OTOF: variants seen among roughly 807,000 people sequenced by gnomAD.
OTOF encodes fer-1-like family member 2.
In OTOF, 218 loss-of-function variants were observed where a neutral mutation model predicts 236.8. The ratio of observed to expected loss-of-function variants is 0.92; its 90% confidence interval spans 0.82 to 1.03. OTOF has a LOEUF of 1.03. Among genes scored for constraint, OTOF ranks in the 50% least tolerant of loss-of-function variants. The probability of loss-of-function intolerance (pLI) is 0.00; values close to 1 mark genes in which losing one functional copy is unlikely to be tolerated. For synonymous variants in OTOF, 1,041 were observed against 1,072.5 expected (o/e 0.97, Z 0.57); for missense variants, 2,590 against 2,694.4 (o/e 0.96, Z 0.86).
intron 9 of OTOF, among the ~76,000 whole-genome samples, chr2:26,490,424 C>G (rs1170272976): frequency 6.6e-6 from 1 of 152,156 alleles, no homozygotes; most frequent in Non-Finnish European, 1.5e-5. Flanking sequence ...GTGCACTGTC[C>G]TTTGGTGCTG....
At chr2:26,502,265 G>C (rs1348655870) in intron 7 of OTOF, 35 bp downstream of exon 7, 1 of 1,612,780 alleles carries the variant, frequency 6.2e-7, no homozygotes, top group South Asian at 1.1e-5. Flanking sequence ...GACAGGGTGG[G>C]GGCAGCTGGG....
chr2:26,512,996 G>A lies in OTOF; in HGVS notation c.509+3422C>T, dbSNP rs561329473. Among the ~76,000 whole-genome samples the A allele has an allele frequency of 1.4e-4, 22 of 152,254 alleles. No homozygotes were observed. The South Asian group carries it at 3.5e-3, about 24-fold the overall frequency. On this transcript the variant is annotated intron_variant, in intron 5 of 46. Transcript: ENST00000272371. ...CAGCACAGCTTCCTGGCACATTACC[G>A]GGGGCATTGTGCAAAAAGCCGGCAG... is the stretch of plus-strand genomic sequence containing the variant.
chr2:26,528,272 G>A (rs1419148375), intron 2 of OTOF, among the ~76,000 whole-genome samples: 1 of 152,210 alleles, frequency 6.6e-6, no homozygotes, highest in Non-Finnish European at 1.5e-5. Context: ...GGGAGAGGGT[G>A]GTGCAACCAG....
At position 26,461,028 on chromosome 2, in the gene OTOF, C is replaced by G; in HGVS notation, c.5536G>C (p.Ala1846Pro). The change falls in exon 44 of 47, where the codon GCC becomes CCC. Residue 1846 changes from alanine (A) to proline (P), a missense_variant and splice_region_variant. Physicochemically the swap from Ala to Pro is conservative, Grantham distance 27. Coordinates refer to ENST00000272371, the MANE Select transcript of OTOF (RefSeq NM_194248.3). This position sits in a 1 kb window ranked among gnomAD's most constrained non-coding sequence, Gnocchi z 6.2. ...DHFSADDFLG[A>P]IELDLNRFPR... ...AACCGGTTCAGGTCCAGCTCGATGG[C>G]CCCTGTGGCAACCTCAGTGTCAGCT... is the stretch of plus-strand genomic sequence containing the variant. 6.2e-7 allele frequency: 1 copy of G among 1,610,696 alleles called. No individual in the cohort carries two copies. Among genetic ancestry groups the G allele is most frequent in the Non-Finnish European group, 8.5e-7 (1 of 1,179,596 alleles).
Position 26,472,532 on chromosome 2 carries a change from A to C in OTOF, c.3851T>G (p.Val1284Gly), listed in dbSNP as rs1359514107. 1.9e-6 allele frequency: 3 copies of C among 1,613,372 alleles called. No homozygotes were observed. The highest frequency in any genetic ancestry group is 2.5e-6 in the Non-Finnish European group (3 of 1,180,016). Residue 1284 changes from valine to glycine, a missense_variant, in exon 30 of 47, where the codon GTG (valine) becomes GGG (glycine). Transcript: ENST00000272371. ...CACCCGCCTTACCGCGTCCAGCTTC[A>C]CCATGGTCTCCAGTTTCTTGATGGG... The part of the protein sequence containing the change: ...EVPIKKLETM[V>G]KLDATSEAVV...
At position 26,467,520 on chromosome 2, in the gene OTOF, G is replaced by A; in HGVS notation, c.4091-19C>T. On this transcript the variant is annotated intron_variant, in intron 33 of 46. Transcript: ENST00000272371. ...TTCAGGCCTGGCCAGAAGCAGAAAA[G>A]GAGGTGGAGCAGAAATGAGCAGAGC... 1 of 1,612,250 alleles carries A rather than the reference G, an allele frequency of 6.2e-7. No homozygotes were observed.
rs113229009 is a variant in OTOF, at chr2:26,537,781, G to C, written c.80-7C>G. On this transcript the variant is annotated splice_polypyrimidine_tract_variant and splice_region_variant and intron_variant, in intron 1 of 46. Coordinates refer to ENST00000272371, the MANE Select transcript of OTOF (RefSeq NM_194248.3). ...CGAGAGTAGAAGGATTGCCCTGTGG[G>C]GAAAGAGGAAATAAATTCTAGGGTC... 15 of 1,550,380 alleles carry C rather than the reference G, an allele frequency of 9.7e-6. No individual in the cohort carries two copies. The highest frequency in any genetic ancestry group is 2.7e-5 in the African/African-American group (2 of 73,146).
chr2:26,475,969 C>T lies in OTOF; in HGVS notation c.2936G>A (p.Gly979Glu), dbSNP rs1324833296. The T allele has an allele frequency of 6.2e-7, 1 of 1,612,436 alleles. No individual in the cohort carries two copies. ...GACGCGGGCAAAGGGGTCTGAGAGT[C>T]CGCTGCTGTCGGCGGCAAAGAGGCT... ...ARSLFAADSS[G>E]LSDPFARVFF... is the part of the protein sequence containing the mutation. The change falls in exon 24 of 47, where the codon GGA becomes GAA. Residue 979 changes from glycine (G) to glutamate (E), a missense_variant. Physicochemically the swap from Gly to Glu is moderately conservative, Grantham distance 98. Transcript: ENST00000272371.
intron 8 of OTOF, among the ~76,000 whole-genome samples, chr2:26,497,549 T>C (rs558701597): frequency 2.8e-4 from 42 of 152,344 alleles, no homozygotes; most frequent in African/African-American, 1.0e-3. Context: ...AAAATGATCA[T>C]CCAGTGTCCA....
At position 26,518,993 on chromosome 2, in the gene OTOF, C is replaced by T. The variant is rs761750441; in HGVS notation, c.327+17G>A. 1.3e-6 allele frequency: 2 copies of T among 1,576,902 alleles called. No individual in the cohort carries two copies. The highest frequency in any genetic ancestry group is 2.3e-5 in the South Asian group (2 of 88,546). On this transcript the variant is annotated intron_variant, in intron 4 of 46. Transcript: ENST00000272371. ...CCCCATATGGGAAAGTCCAGGAACTCCGTGGGGCATACCCACCTTGATGAT... is the reference window on the plus strand; with the variant it reads ...CCCCATATGGGAAAGTCCAGGAACTTCGTGGGGCATACCCACCTTGATGAT...
chr2:26,538,221 A>C (rs373770682), intron 1 of OTOF, among the ~76,000 whole-genome samples: 23 of 152,296 alleles, frequency 1.5e-4, no homozygotes, highest in African/African-American at 5.3e-4. Context: ...GGGTCTGTGA[A>C]GCCCAGCCTC....
At chr2:26,467,635 A>G in intron 33 of OTOF, 134 bp from the exon 34 acceptor site, 1 of 1,158,556 alleles carries the variant, frequency 8.6e-7, no homozygotes, top group Non-Finnish European at 1.2e-6. Context: ...AATGCAGATA[A>G]TACTCCCTAG....
chr2:26,482,798 CAT>C (rs1491183078), intron 13 of OTOF, among the ~76,000 whole-genome samples: 3 of 104,512 alleles, frequency 2.9e-5, no homozygotes, highest in Admixed American at 1.0e-4. Context: ...TGAGTGGATG[CAT>C]GTGTGTGTAT....
chr2:26,492,895 T>C (rs1405621703), intron 9 of OTOF, among the ~76,000 whole-genome samples: 1 of 151,728 alleles, frequency 6.6e-6, no homozygotes, highest in Non-Finnish European at 1.5e-5. Flanking sequence ...AGCCACAGAG[T>C]AGGGAGAGCA....
intron 11 of OTOF, among the ~76,000 whole-genome samples, chr2:26,485,867 G>C (rs1422607678): frequency 1.3e-5 from 2 of 152,232 alleles, no homozygotes; most frequent in African/African-American, 4.8e-5. Context: ...CAAGGTGAGA[G>C]GGCAGGAAGG....
At chr2:26,531,324 G>A (rs765530622) in intron 2 of OTOF, among the ~76,000 whole-genome samples, 7 of 152,350 alleles carry the variant, frequency 4.6e-5, no homozygotes, top group Non-Finnish European at 8.8e-5. Flanking sequence ...TGAGTCAGGA[G>A]ACTTGAGTTC....
At chr2:26,514,439 C>T (rs538139932) in intron 5 of OTOF, among the ~76,000 whole-genome samples, 1 of 152,254 alleles carries the variant, frequency 6.6e-6, no homozygotes, top group Admixed American at 6.5e-5. Context: ...GTGCCTAGGG[C>T]TCTCTGGGAC....
chr2:26,498,241 G>C (rs1348301697), intron 8 of OTOF, among the ~76,000 whole-genome samples: 1 of 152,242 alleles, frequency 6.6e-6, no homozygotes, highest in Non-Finnish European at 1.5e-5. Flanking sequence ...TGGCAGTAGA[G>C]GCGGAGGGTG....
intron 1 of OTOF, among the ~76,000 whole-genome samples, chr2:26,552,102 A>AAG (rs2148136711): frequency 6.6e-6 from 1 of 151,172 alleles, no homozygotes; most frequent in East Asian, 1.9e-4. Context: ...AAAAAAAAAA[A>AAG]AAAAAGGCCA....
Sources: gnomAD v4.1 joint callset for allele counts (sites outside exome capture counted in the v4.1 genomes callset) on GRCh38, gnomAD v4.1.1 for gene constraint, Gnocchi (gnomAD v3.1) non-coding constraint, MANE v1.5 for transcripts, NCBI Gene and HGNC (gene_info 2026-07-23, HGNC 2026-07-21) for gene names.